The following LPA variants were observed in gnomAD, a reference collection of about 807,000 sequenced individuals.
The protein encoded by LPA is apolipoprotein(a).
In LPA, 199 loss-of-function variants were observed where a neutral mutation model predicts 197.9. The observed-to-expected ratio is 1.01, with a 90% confidence interval of 0.90 to 1.13. The LOEUF (loss-of-function observed/expected upper bound fraction) is 1.13. Ranked by LOEUF, LPA falls within the 50% of genes most tolerant of loss-of-function variation. The pLI is 0.00. For missense variants in LPA, 1,853 were observed against 1,785.8 expected, an observed-to-expected ratio of 1.04 and a Z score of -0.68; for synonymous variants, 715 against 639.5, an observed-to-expected ratio of 1.12 and a Z score of -1.78.
chr6:160,579,814 G>A (rs1778756598), intron 26 of LPA, among the ~76,000 whole-genome samples: 1 of 152,142 alleles, frequency 6.6e-6, no homozygotes, highest in African/African-American at 2.4e-5. Context: ...GTTAGGCAGT[G>A]GTTTTTAACA....
intron 17 of LPA, 27 bp from the exon 18 acceptor site, chr6:160,605,232 C>T (rs1779323055): frequency 6.2e-7 from 1 of 1,611,230 alleles, no homozygotes; most frequent in Non-Finnish European, 8.5e-7. Flanking sequence ...AGAAATCAAA[C>T]TGAGTGTTTC....
In LPA at chr6:160,556,417, T is replaced by G. The variant is rs573351553; in HGVS notation, c.4814-233A>C. Among the ~76,000 whole-genome samples the G allele has an allele frequency of 7.2e-5, 11 of 152,232 alleles. No homozygotes were observed. In the South Asian group the frequency reaches 2.1e-3, roughly 29 times the overall value. ...GTGGGAAAAGGACCTATCAGTGCTC[T>G]TACAATTGGAACAAAGACTCATGTG... On this transcript the variant is annotated intron_variant, in intron 29 of 38. Transcript: ENST00000316300.
Position 160,576,633 on chromosome 6 carries a change from TATAA to T in LPA, c.4631+499_4631+502del, listed in dbSNP as rs1422359744. 7.6e-5 allele frequency among the ~76,000 whole-genome samples: 11 copies of T among 145,564 alleles called. No individual in the cohort carries two copies. In the East Asian group the frequency reaches 2.0e-3, roughly 26 times the overall value. ...TAAATATAAGTTTTATACACAAGTATATAAATATTCAGACATATATATAAATATT... is the reference window on the plus strand; with the variant it reads ...TAAATATAAGTTTTATACACAAGTATATATTCAGACATATATATAAATATT... On this transcript the variant is annotated intron_variant, in intron 28 of 38. Transcript: ENST00000316300.
chr6:160,596,223 C>T (rs1343184617), intron 20 of LPA, among the ~76,000 whole-genome samples: 1 of 152,160 alleles, frequency 6.6e-6, no homozygotes, highest in African/African-American at 2.4e-5. Flanking sequence ...GTTGTGCACC[C>T]TCATTGGTCT....
intron 28 of LPA, among the ~76,000 whole-genome samples, chr6:160,576,360 A>ACACATATATATATATATATATGTG: frequency 8.2e-5 from 2 of 24,336 alleles, no homozygotes; most frequent in Admixed American, 6.3e-4. Context: ...ATATATATAT[A>ACACATATATATATATATATATGTG]TATATACATA....
At chr6:160,609,581 T>C (rs996881870) in intron 16 of LPA, among the ~76,000 whole-genome samples, 2 of 152,156 alleles carry the variant, frequency 1.3e-5, no homozygotes, top group Non-Finnish European at 2.9e-5. Context: ...GTGATTTTTC[T>C]AACGTTCTTC....
intron 36 of LPA, 102 bp downstream of exon 36, chr6:160,539,941 C>A (rs1363438896): frequency 2.6e-6 from 4 of 1,523,472 alleles, no homozygotes; most frequent in African/African-American, 2.7e-5. Flanking sequence ...ATGTGATAGA[C>A]AGTTCCTCCC....
chr6:160,553,935 C>CTGTGTGTGTG (rs1294838247), intron 30 of LPA, among the ~76,000 whole-genome samples: 3 of 70,964 alleles, frequency 4.2e-5, no homozygotes, highest in African/African-American at 7.8e-5. Flanking sequence ...CTCTCTCTCT[C>CTGTGTGTGTG]TCTGTGTGTG....
At chr6:160,572,057 G>C (rs1466544877) in intron 28 of LPA, among the ~76,000 whole-genome samples, 1 of 152,340 alleles carries the variant, frequency 6.6e-6, no homozygotes, top group Non-Finnish European at 1.5e-5. Flanking sequence ...CGTGGGAAAA[G>C]CATAGTATTT....
At chr6:160,593,326 T>C (rs1779066132) in intron 22 of LPA, among the ~76,000 whole-genome samples, 1 of 152,170 alleles carries the variant, frequency 6.6e-6, no homozygotes, top group Non-Finnish European at 1.5e-5. Context: ...TCCTATGTAT[T>C]TGATAGTCCT....
At chr6:160,575,361 G>T (rs1240999166) in intron 28 of LPA, among the ~76,000 whole-genome samples, 2 of 152,044 alleles carry the variant, frequency 1.3e-5, no homozygotes, top group African/African-American at 4.8e-5. Flanking sequence ...GGGTCTATTT[G>T]TATTGAATGA....
At chr6:160,608,207 T>C (rs1428080075) in intron 16 of LPA, among the ~76,000 whole-genome samples, 3 of 152,170 alleles carry the variant, frequency 2.0e-5, no homozygotes, top group Non-Finnish European at 2.9e-5. Context: ...CTTGTACTAT[T>C]CTTCTTCTAC....
At chr6:160,597,504 A>G (rs1779157010) in intron 20 of LPA, among the ~76,000 whole-genome samples, 1 of 152,164 alleles carries the variant, frequency 6.6e-6, no homozygotes, top group African/African-American at 2.4e-5. Flanking sequence ...ATATATGTGC[A>G]GCTATTTCTG....
intron 7 of LPA, among the ~76,000 whole-genome samples, chr6:160,634,795 C>CTTG (rs1562349066): frequency 2.7e-5 from 4 of 145,810 alleles, no homozygotes; most frequent in African/African-American, 1.1e-4. Flanking sequence ...AAGCTTACTG[C>CTTG]GACAGAAAGA....
chr6:160,575,141 A>C (rs1778632297), intron 28 of LPA, among the ~76,000 whole-genome samples: 3 of 152,142 alleles, frequency 2.0e-5, no homozygotes. Flanking sequence ...ATACATTTTT[A>C]CTTTTCAAAA....
At position 160,531,871 on chromosome 6, in the gene LPA, A is replaced by G. The variant is rs373314930; in HGVS notation, c.5981T>C (p.Leu1994Pro). ...GTATTTGTCCTTCTCGAAGCAAACCAGAGGCCCTCCACTGTCACCCTAAAC... is the reference window on the plus strand; with the variant it reads ...GTATTTGTCCTTCTCGAAGCAAACCGGAGGCCCTCCACTGTCACCCTAAAC... ...DSCQGDSGGPLVCFEKDKYIL... is the reference protein window; with the variant it reads ...DSCQGDSGGPPVCFEKDKYIL... Residue 1994 changes from leucine (L) to proline (P), a missense_variant, in exon 39 of 39, where the codon CTG becomes CCG. This residue lies in a region of LPA where 1,737 missense variants were observed against 1,504.4 expected (regional missense o/e 1.15). Coordinates refer to ENST00000316300, the MANE Select transcript of LPA (RefSeq NM_005577.4). The G allele has an allele frequency of 2.5e-5, 41 of 1,613,992 alleles. No homozygotes were observed. The highest frequency in any genetic ancestry group is 1.3e-4 in the East Asian group (6 of 44,890).
intron 16 of LPA, among the ~76,000 whole-genome samples, chr6:160,610,207 G>C (rs1487640800): frequency 1.3e-5 from 2 of 151,970 alleles, no homozygotes; most frequent in Non-Finnish European, 2.9e-5. Flanking sequence ...ACTCACTCTG[G>C]GGATACCGCA....
intron 30 of LPA, among the ~76,000 whole-genome samples, chr6:160,549,438 C>A (rs1385767820): frequency 6.6e-6 from 1 of 152,152 alleles, no homozygotes; most frequent in Non-Finnish European, 1.5e-5. Context: ...TGCGTCTATA[C>A]CTGTCTAACT....
At chr6:160,567,721 A>C (rs908122738) in intron 28 of LPA, among the ~76,000 whole-genome samples, 5 of 152,180 alleles carry the variant, frequency 3.3e-5, no homozygotes, top group Admixed American at 2.0e-4. Context: ...TTTTTTGAAA[A>C]GATCAACAAA....
Sources: gnomAD v4.1 joint callset for allele counts (sites outside exome capture counted in the v4.1 genomes callset) on GRCh38, gnomAD v4.1.1 for gene constraint, gnomAD v4.1.1 regional missense constraint, MANE v1.5 for transcripts, NCBI Gene and HGNC (gene_info 2026-07-23, HGNC 2026-07-21) for gene names.